The following ATF2 variants were observed in gnomAD, a reference collection of about 807,000 sequenced individuals.
ATF2 encodes the protein cyclic AMP-dependent transcription factor ATF-2.
A neutral mutation model predicts 60.6 loss-of-function variants in ATF2; 24 were observed. The observed-to-expected ratio is 0.40, with a 90% CI of 0.29 to 0.56. The LOEUF (loss-of-function observed/expected upper bound fraction) is 0.56, where lower values mean the gene tolerates loss of function less well. Ranked by LOEUF, ATF2 falls within the 20% of genes least tolerant of loss-of-function variation. The pLI is 0.54. For missense variants in ATF2, 433 were observed against 607.7 expected (o/e 0.71, Z 3.02); for synonymous variants, 206 against 215.4 (o/e 0.96, Z 0.38).
chr2:175,097,068 A>G (rs1308048437), intron 11 of ATF2, among the ~76,000 whole-genome samples: 2 of 152,232 alleles, frequency 1.3e-5, no homozygotes, highest in Non-Finnish European at 2.9e-5. Flanking sequence ...TTCTGGTTAT[A>G]TAACTATTTT....
Position 175,109,043 on chromosome 2 carries a change from G to A in ATF2, c.828+2525C>T, listed in dbSNP as rs951053082. ...AGGGACACAAACACTGCGGAAGGCC[G>A]CAGGGTCCTCTGCATAGGAAAACCA... On this transcript the variant is annotated intron_variant, in intron 10 of 13. Transcript: ENST00000264110. Among the ~76,000 whole-genome samples, 8 of 152,000 alleles carry A rather than the reference G, an allele frequency of 5.3e-5. No homozygotes were observed. The South Asian group carries it at 8.3e-4, about 16-fold the overall frequency.
chr2:175,134,505 A>G (rs1481691287), intron 3 of ATF2, among the ~76,000 whole-genome samples: 2 of 151,886 alleles, frequency 1.3e-5, no homozygotes, highest in African/African-American at 4.8e-5. Flanking sequence ...ATACAACCCA[A>G]CAACTAAGAA....
intron 11 of ATF2, among the ~76,000 whole-genome samples, chr2:175,093,977 G>T (rs1694729630): frequency 6.6e-6 from 1 of 152,138 alleles, no homozygotes; most frequent in African/African-American, 2.4e-5. Flanking sequence ...ATTAGTAAGA[G>T]AAAGAAATCT....
rs1693958019 is a variant in ATF2 at position 175,084,006 on chromosome 2, A to G, written c.1186-3241T>C. 2.0e-5 allele frequency among the ~76,000 whole-genome samples: 3 copies of G among 152,176 alleles called. No individual in the cohort carries two copies. In the South Asian group the frequency reaches 6.2e-4, roughly 32 times the overall value. On this transcript the variant is annotated intron_variant, in intron 12 of 13. Transcript: ENST00000264110. ...AGGCAGGAAACAACAGGTGCTGGAG[A>G]GGATATGGAGAAATAGGAACACTTT...
At position 175,093,213 on chromosome 2, in the gene ATF2, T is replaced by G. The variant is rs756205559; in HGVS notation, c.1033A>C (p.Arg345=). Residue 345 remains arginine (R), a synonymous_variant, in exon 12 of 14, where the codon AGA becomes CGA. Transcript: ENST00000264110. The stretch of plus-strand genomic sequence containing the variant: ...TCATCAGGATCTTCGTTAGCTGCTC[T>G]TCTCCGACGACCACTTGTACTTTGG... ...QTQSTSGRRR[R]AANEDPDEKR... is the part of the protein sequence containing the mutation. 1 of 1,614,154 alleles carries G rather than the reference T, an allele frequency of 6.2e-7. No individual in the cohort carries two copies. Among genetic ancestry groups the G allele is most frequent in the Non-Finnish European group, 8.5e-7 (1 of 1,180,010 alleles).
chr2:175,136,326 T>TA (rs1444676946), intron 3 of ATF2, 86 bp downstream of exon 3: 10 of 1,270,298 alleles, frequency 7.9e-6, no homozygotes, highest in Non-Finnish European at 4.6e-6. Flanking sequence ...ACACCACAAA[T>TA]ACTTACCTAA....
chr2:175,155,344 T>C (rs1169904411), intron 1 of ATF2, among the ~76,000 whole-genome samples: 1 of 152,234 alleles, frequency 6.6e-6, no homozygotes, highest in Non-Finnish European at 1.5e-5. Context: ...AAAACCTCCA[T>C]TAATCAAGAC....
At chr2:175,114,596 G>C in intron 8 of ATF2, 94 bp downstream of exon 8, 2 of 1,516,540 alleles carry the variant, frequency 1.3e-6, no homozygotes, top group South Asian at 1.4e-5. Flanking sequence ...ACAAAACTAA[G>C]ATCTTAGTTT....
chr2:175,097,481 G>A lies in ATF2; in HGVS notation c.941C>T (p.Ser314Leu). The change falls in exon 11 of 14, where the codon TCA (serine) becomes TTA (leucine). Residue 314 changes from serine to leucine, a missense_variant. This residue lies in a region of ATF2 where 246 missense variants were observed against 309.3 expected (regional missense o/e 0.80). Transcript: ENST00000264110. ...AGTGGATGTGGCTGGCTGTTGTAAT[G>A]ACTGCGGTCGAGATTCCTCTGACTG... ...RTQSEESRPQSLQQPATSTTE... is the reference protein window; with the variant it reads ...RTQSEESRPQLLQQPATSTTE... 1 of 1,614,096 alleles carries A rather than the reference G, an allele frequency of 6.2e-7. No individual in the cohort carries two copies. The highest frequency in any genetic ancestry group is 1.1e-5 in the South Asian group (1 of 91,076).
chr2:175,111,110 C>G (rs1696149708), intron 10 of ATF2, among the ~76,000 whole-genome samples: 1 of 152,094 alleles, frequency 6.6e-6, no homozygotes. Context: ...AATTAAAATA[C>G]ACATCTAAAC....
chr2:175,107,839 G>A (rs1423648452), intron 10 of ATF2, among the ~76,000 whole-genome samples: 2 of 152,234 alleles, frequency 1.3e-5, no homozygotes, highest in Non-Finnish European at 2.9e-5. Context: ...GAGGTGCCAG[G>A]ATTGCAGACG....
chr2:175,144,464 A>C (rs946956446), intron 2 of ATF2, among the ~76,000 whole-genome samples: 9 of 152,250 alleles, frequency 5.9e-5, no homozygotes, highest in African/African-American at 2.2e-4. Flanking sequence ...ATAATAAAGA[A>C]AAACATTTTA....
intron 7 of ATF2, among the ~76,000 whole-genome samples, chr2:175,115,714 C>G (rs1210707661): frequency 6.6e-6 from 1 of 152,118 alleles, no homozygotes; most frequent in Non-Finnish European, 1.5e-5. Context: ...AGAACTTATG[C>G]TCCCAAGGAC....
chr2:175,167,625 AC>A, intron 1 of ATF2: 1 of 490,900 alleles, frequency 2.0e-6, no homozygotes, highest in Non-Finnish European at 4.2e-6. Context: ...TCCCCGCCCA[AC>A]CCAAGGACTG....
chr2:175,095,649 A>G (rs1694885937), intron 11 of ATF2, among the ~76,000 whole-genome samples: 1 of 152,204 alleles, frequency 6.6e-6, no homozygotes, highest in African/African-American at 2.4e-5. Flanking sequence ...TTTCATTCAG[A>G]AAATCCTTAT....
At chr2:175,121,356 G>T in intron 5 of ATF2, 88 bp downstream of exon 5, 2 of 762,902 alleles carry the variant, frequency 2.6e-6, no homozygotes, top group South Asian at 2.9e-5. Flanking sequence ...AATATCACCA[G>T]ACTATATTAT....
chr2:175,124,011 C>A (rs534098535), intron 4 of ATF2, among the ~76,000 whole-genome samples: 4 of 151,958 alleles, frequency 2.6e-5, no homozygotes, highest in Admixed American at 6.6e-5. Context: ...GAAATGCATT[C>A]TTTATTTATT....
intron 4 of ATF2, among the ~76,000 whole-genome samples, chr2:175,122,933 C>T (rs544212949): frequency 6.6e-6 from 1 of 152,168 alleles, no homozygotes; most frequent in African/African-American, 2.4e-5. Context: ...ATCACTTAGT[C>T]TTTGGATTAC....
At chr2:175,110,733 G>C (rs1202122486) in intron 10 of ATF2, among the ~76,000 whole-genome samples, 1 of 152,118 alleles carries the variant, frequency 6.6e-6, no homozygotes, top group African/African-American at 2.4e-5. Context: ...AGCCACCCGA[G>C]TAGCTAGGAT....
Sources: gnomAD v4.1 joint callset for allele counts (sites outside exome capture counted in the v4.1 genomes callset) on GRCh38, gnomAD v4.1.1 for gene constraint, gnomAD v4.1.1 regional missense constraint, MANE v1.5 for transcripts, NCBI Gene and HGNC (gene_info 2026-07-23, HGNC 2026-07-21) for gene names.